MYO1H: variants seen among roughly 807,000 people sequenced by gnomAD.
The protein encoded by MYO1H is myosin IH.
In MYO1H, 118 loss-of-function variants were observed where a neutral mutation model predicts 149.3. The ratio of observed to expected loss-of-function variants is 0.79; its 90% CI spans 0.68 to 0.92. The LOEUF (loss-of-function observed/expected upper bound fraction) is 0.92, where lower values mean the gene tolerates loss of function less well. Ranked by LOEUF, MYO1H falls within the 40% of genes least tolerant of loss-of-function variation. The pLI, the probability that MYO1H is intolerant of heterozygous loss-of-function variation, is 0.00. For missense variants in MYO1H, 1,212 were observed against 1,280.7 expected (o/e 0.95, Z 0.82); for synonymous variants, 447 against 465.2 (o/e 0.96, Z 0.50).
chr12:109,334,081 A>G, the MYO1H span, among the ~76,000 whole-genome samples: 1 of 151,986 alleles, frequency 6.6e-6, no homozygotes, highest in Non-Finnish European at 1.5e-5. Context: ...CAGTGATGCA[A>G]TCTCGGCTCA....
In MYO1H at chr12:109,422,531, G is replaced by A. The variant is rs548142537; in HGVS notation, c.1644+1504G>A. The stretch of plus-strand genomic sequence containing the variant: ...GTCTGGTTAACAAATGGGCGACAGC[G>A]TTTCTCTAACAGCTTCCCCTCTGGG... On this transcript the variant is annotated intron_variant, in intron 16 of 31. Coordinates refer to ENST00000310903, the Ensembl canonical transcript of MYO1H. 5.3e-5 allele frequency among the ~76,000 whole-genome samples: 8 copies of A among 152,254 alleles called. No homozygotes were observed. In the East Asian group the frequency reaches 5.8e-4, roughly 11 times the overall value.
At chr12:109,409,481 T>G in intron 10 of MYO1H, 76 bp from the exon 11 acceptor site, 4 of 1,285,160 alleles carry the variant, frequency 3.1e-6, no homozygotes, top group Non-Finnish European at 4.5e-6. Flanking sequence ...AAGTCCCAGT[T>G]TAGGGGAGCA....
chr12:109,380,026 C>T (rs1030492078), intron 1 of MYO1H, among the ~76,000 whole-genome samples: 6 of 151,998 alleles, frequency 3.9e-5, no homozygotes, highest in African/African-American at 7.2e-5. Context: ...CCACCACGCC[C>T]GGCCAGCAAT....
intron 19 of MYO1H, among the ~76,000 whole-genome samples, chr12:109,430,456 T>C (rs1871561500): frequency 6.6e-6 from 1 of 152,106 alleles, no homozygotes; most frequent in Non-Finnish European, 1.5e-5. Flanking sequence ...TCTGCATGGA[T>C]GAAAGCAGGG....
chr12:109,341,802 C>T, the MYO1H span, among the ~76,000 whole-genome samples: 2 of 152,158 alleles, frequency 1.3e-5, no homozygotes, highest in Non-Finnish European at 2.9e-5. Context: ...TATTGTTTGA[C>T]TCCCTGGGTT....
chr12:109,432,788 G>A, intron 19 of MYO1H, 109 bp from the exon 20 acceptor site: 1 of 824,330 alleles, frequency 1.2e-6, no homozygotes, highest in Non-Finnish European at 2.1e-6. Flanking sequence ...CATACACTGA[G>A]TGGCCGACAT....
At chr12:109,362,980 C>T (rs1468176671) in intron 1 of MYO1H, among the ~76,000 whole-genome samples, 1 of 152,126 alleles carries the variant, frequency 6.6e-6, no homozygotes, top group Admixed American at 6.5e-5. Context: ...GTTGGAGAGT[C>T]CCTCGTTCAT....
At chr12:109,338,853 C>G in the MYO1H span, among the ~76,000 whole-genome samples, 3 of 150,410 alleles carry the variant, frequency 2.0e-5, no homozygotes, top group African/African-American at 7.3e-5. Context: ...TTCCAGAATT[C>G]TTAGGCCTCT....
At chr12:109,444,621 C>G in intron 30 of MYO1H, 92 bp downstream of exon 30, 1 of 968,418 alleles carries the variant, frequency 1.0e-6, no homozygotes, top group Non-Finnish European at 1.6e-6. Flanking sequence ...AATCCCAGCA[C>G]TTTGGGAGGC....
chr12:109,351,388 G>A (rs1267569178), intron 1 of MYO1H, among the ~76,000 whole-genome samples: 2 of 152,034 alleles, frequency 1.3e-5, no homozygotes, highest in Non-Finnish European at 2.9e-5. Context: ...TATCAAAACC[G>A]TGGGGGGAAA....
At chr12:109,440,310 A>G (rs7973253) in intron 24 of MYO1H, among the ~76,000 whole-genome samples, 60,316 of 151,996 alleles carry the variant, frequency 0.4, 12,194 homozygotes, top group African/African-American at 0.43. Context: ...TGCTGGGATT[A>G]CAGGTGCGAG....
At chr12:109,444,515 T>C in exon 30 of MYO1H, 1 of 1,613,756 alleles carries the variant, frequency 6.2e-7, no homozygotes, top group Non-Finnish European at 8.5e-7. Context: ...ACATTGTCAA[T>C]GTTGTTCAAG....
Position 109,435,035 on chromosome 12 carries a change from A to G in MYO1H, c.2064-2A>G. Reference sequence around the variant, plus strand: ...AACAAAAACATTTCTTTTCACTTCTAGAACCAAAATATTCATTCGTTTCCC... The same window carrying G: ...AACAAAAACATTTCTTTTCACTTCTGGAACCAAAATATTCATTCGTTTCCC... On this transcript the variant is annotated splice_acceptor_variant, in intron 20 of 31. Coordinates refer to ENST00000310903, the Ensembl canonical transcript of MYO1H. LOFTEE classifies it high-confidence loss of function. 1 of 1,604,086 alleles carries G rather than the reference A, an allele frequency of 6.2e-7. No individual in the cohort carries two copies.
intron 1 of MYO1H, among the ~76,000 whole-genome samples, chr12:109,358,056 T>G (rs900812406): frequency 6.6e-6 from 1 of 151,894 alleles, no homozygotes; most frequent in African/African-American, 2.4e-5. Context: ...GACCACTCAC[T>G]GAGTTTCTAC....
chr12:109,443,040 G>GTATATATGTGTACGTA (rs1269932558), intron 27 of MYO1H, among the ~76,000 whole-genome samples: 6 of 42,732 alleles, frequency 1.4e-4, no homozygotes, highest in Admixed American at 2.6e-4. Context: ...GTGTGTGTGT[G>GTATATATGTGTACGTA]TGTGTGTATA....
At chr12:109,344,015 A>C (rs1008179757), upstream of MYO1H, among the ~76,000 whole-genome samples, 51 of 152,306 alleles carry the variant, frequency 3.3e-4, no homozygotes, top group African/African-American at 1.2e-3. Flanking sequence ...ACAGTTTCTC[A>C]GACTTTCCTT....
chr12:109,444,547 C>A lies in MYO1H; in HGVS notation c.2993+18C>A. The A allele has an allele frequency of 6.3e-7, 1 of 1,578,644 alleles. No homozygotes were observed. Among genetic ancestry groups the A allele is most frequent in the South Asian group, 1.1e-5 (1 of 90,232 alleles). On this transcript the variant is annotated intron_variant, in intron 30 of 31. Transcript: ENST00000310903. ...CAAGGAAGGTAGGTGGCTTCATCTT[C>A]AGCTCAGGAAGTAATTCAATGTTAA...
the MYO1H span, among the ~76,000 whole-genome samples, chr12:109,326,346 G>T: frequency 6.6e-6 from 1 of 151,994 alleles, no homozygotes; most frequent in African/African-American, 2.4e-5. Context: ...CCAGGCTAGT[G>T]GGTCTTGGGA....
intron 24 of MYO1H, 26 bp downstream of exon 24, chr12:109,439,816 T>C (rs1872037872): frequency 3.1e-6 from 5 of 1,604,002 alleles, no homozygotes; most frequent in Non-Finnish European, 4.3e-6. Flanking sequence ...GGATTTCCAG[T>C]GTTGTAAGTA....
Sources: gnomAD v4.1 joint callset for allele counts (sites outside exome capture counted in the v4.1 genomes callset) on GRCh38, gnomAD v4.1.1 for gene constraint, MANE v1.5 for transcripts, NCBI Gene and HGNC (gene_info 2026-07-23, HGNC 2026-07-21) for gene names.